SPATA17: variants seen among roughly 807,000 people sequenced by gnomAD.
SPATA17 encodes spermatogenesis associated 17.
SPATA17 carries 53 observed loss-of-function variants against 62.2 expected under a neutral mutation model. The observed-to-expected ratio is 0.85, with a 90% CI of 0.68 to 1.07. The LOEUF (loss-of-function observed/expected upper bound fraction) is 1.07, where lower values mean the gene tolerates loss of function less well. Among genes scored for constraint, SPATA17 ranks in the 50% least tolerant of loss-of-function variants. The probability of loss-of-function intolerance (pLI) is 0.00; values close to 1 mark genes in which losing one functional copy is unlikely to be tolerated. For synonymous variants in SPATA17, 146 were observed against 146.8 expected (o/e 0.99, Z 0.04); for missense variants, 466 against 425.5 (o/e 1.10, Z -0.84).
At position 217,634,571 on chromosome 1, in the gene SPATA17, A is replaced by G. The variant is rs572596352; in HGVS notation, c.68+3125A>G. Among the ~76,000 whole-genome samples the G allele has an allele frequency of 5.3e-5, 8 of 152,294 alleles. No individual in the cohort carries two copies. In the South Asian group the frequency reaches 1.7e-3, roughly 32 times the overall value. ...AATACTGATATTATCCCCAGGAGCC[A>G]TTTAGGGAGGGTCAGAATCTTATAG... On this transcript the variant is annotated intron_variant, in intron 1 of 10. Coordinates refer to ENST00000366933, the MANE Select transcript of SPATA17 (RefSeq NM_138796.4).
At chr1:217,862,503 G>T (rs531265242) in intron 9 of SPATA17, among the ~76,000 whole-genome samples, 1 of 152,152 alleles carries the variant, frequency 6.6e-6, no homozygotes, top group African/African-American at 2.4e-5. Flanking sequence ...GAAGACAGGT[G>T]GATATGCCTG....
At chr1:217,730,580 T>C (rs1232840543) in intron 5 of SPATA17, among the ~76,000 whole-genome samples, 1 of 152,094 alleles carries the variant, frequency 6.6e-6, no homozygotes, top group Non-Finnish European at 1.5e-5. Context: ...TTCAAATCCT[T>C]CTTTTTTGTA....
intron 6 of SPATA17, among the ~76,000 whole-genome samples, chr1:217,765,555 T>A (rs560560793): frequency 6.6e-6 from 1 of 152,064 alleles, no homozygotes; most frequent in East Asian, 1.9e-4. Flanking sequence ...AATCTTCAAG[T>A]ATTTGGGAGG....
intron 6 of SPATA17, among the ~76,000 whole-genome samples, chr1:217,752,091 T>A (rs181676547): frequency 5.4e-4 from 82 of 152,286 alleles, no homozygotes; most frequent in Non-Finnish European, 1.1e-3. Flanking sequence ...CAGGCTGGAG[T>A]GCAGTGGCGT....
chr1:217,641,115 G>A (rs1012142014), intron 1 of SPATA17, among the ~76,000 whole-genome samples: 24 of 152,150 alleles, frequency 1.6e-4, no homozygotes, highest in Admixed American at 6.6e-4. Flanking sequence ...ATAAGTGGCC[G>A]TGGAAGATTT....
At chr1:217,640,360 G>T (rs1670033311) in intron 1 of SPATA17, among the ~76,000 whole-genome samples, 1 of 152,004 alleles carries the variant, frequency 6.6e-6, no homozygotes, top group Non-Finnish European at 1.5e-5. Context: ...TACAAAAAAG[G>T]ATTTAGAAGT....
intron 9 of SPATA17, among the ~76,000 whole-genome samples, chr1:217,845,856 G>A (rs907202184): frequency 6.6e-6 from 1 of 152,032 alleles, no homozygotes; most frequent in Admixed American, 6.6e-5. Flanking sequence ...CCATAAACAT[G>A]TAGACATTAG....
At chr1:217,737,496 G>A (rs1240733739) in intron 5 of SPATA17, among the ~76,000 whole-genome samples, 1 of 152,100 alleles carries the variant, frequency 6.6e-6, no homozygotes, top group Non-Finnish European at 1.5e-5. Flanking sequence ...AAGTTGAATT[G>A]TACCAGGAGG....
intron 10 of SPATA17, among the ~76,000 whole-genome samples, chr1:217,864,944 T>C (rs1675977767): frequency 6.6e-6 from 1 of 152,184 alleles, no homozygotes; most frequent in Non-Finnish European, 1.5e-5. Context: ...GGCTCAAATA[T>C]GTTATGGTTT....
chr1:217,830,427 A>G (rs193145839), intron 9 of SPATA17, among the ~76,000 whole-genome samples: 1 of 152,240 alleles, frequency 6.6e-6, no homozygotes, highest in Non-Finnish European at 1.5e-5. Context: ...CCTGTACTGA[A>G]CATCTCCTCG....
chr1:217,649,311 T>G (rs1476368619), intron 2 of SPATA17, among the ~76,000 whole-genome samples: 4 of 151,960 alleles, frequency 2.6e-5, no homozygotes, highest in Non-Finnish European at 5.9e-5. Context: ...AAACCCAGTC[T>G]CTACTAAAAA....
At chr1:217,859,214 CATAATAT>C (rs1002920197) in intron 9 of SPATA17, among the ~76,000 whole-genome samples, 35 of 142,650 alleles carry the variant, frequency 2.5e-4, no homozygotes, top group Non-Finnish European at 4.6e-4. Context: ...TATTTATATA[CATAATAT>C]ATAATATATA....
intron 6 of SPATA17, among the ~76,000 whole-genome samples, chr1:217,752,271 TCCC>T (rs1672931930): frequency 6.6e-6 from 1 of 152,016 alleles, no homozygotes; most frequent in Admixed American, 6.6e-5. Flanking sequence ...CAAGTGATCC[TCCC>T]ACCTCAGCCT....
At chr1:217,777,494 C>G (rs1673622149) in intron 7 of SPATA17, among the ~76,000 whole-genome samples, 1 of 152,060 alleles carries the variant, frequency 6.6e-6, no homozygotes, top group African/African-American at 2.4e-5. Flanking sequence ...TTCTGCCTCC[C>G]TGGTTCAAGC....
chr1:217,648,013 A>G (rs1670228637), intron 1 of SPATA17, among the ~76,000 whole-genome samples: 1 of 151,662 alleles, frequency 6.6e-6, no homozygotes, highest in Non-Finnish European at 1.5e-5. Flanking sequence ...ATGAGTCACC[A>G]AGCGGGCCTT....
At chr1:217,775,400 T>C (rs1673561157) in intron 7 of SPATA17, among the ~76,000 whole-genome samples, 1 of 152,054 alleles carries the variant, frequency 6.6e-6, no homozygotes. Flanking sequence ...TCTGTTACAG[T>C]GTCTTGCTTT....
At chr1:217,836,771 T>G (rs2103004655) in intron 9 of SPATA17, among the ~76,000 whole-genome samples, 1 of 152,276 alleles carries the variant, frequency 6.6e-6, no homozygotes, top group Middle Eastern at 3.4e-3. Flanking sequence ...CTCTCAAGTA[T>G]TTTCACAAAG....
Position 217,801,975 on chromosome 1 carries a change from T to C in SPATA17, c.1005+125T>C, listed in dbSNP as rs988465564. 30 of 1,027,518 alleles carry C rather than the reference T, an allele frequency of 2.9e-5. No individual in the cohort carries two copies. In the African/African-American group the frequency reaches 4.8e-4, roughly 17 times the overall value. The allele number at this position is 1,027,518 out of a possible 1,614,324, so 63.7% of individuals were successfully genotyped here. ...TTATGGTAACAACATTTTTTATAGC[T>C]GTTTTAGGTAAAGATGGTGCTGCTG... On this transcript the variant is annotated intron_variant, in intron 9 of 10. Coordinates refer to ENST00000366933, the MANE Select transcript of SPATA17 (RefSeq NM_138796.4).
intron 9 of SPATA17, among the ~76,000 whole-genome samples, chr1:217,841,779 A>G (rs984006713): frequency 6.6e-6 from 1 of 151,196 alleles, no homozygotes; most frequent in African/African-American, 2.4e-5. Flanking sequence ...TTCAACCAAT[A>G]TATTTTGCCA....
Sources: allele counts gnomAD v4.1 joint callset (sites outside exome capture counted in the v4.1 genomes callset), GRCh38; gene constraint gnomAD v4.1.1; transcripts MANE v1.5; gene names NCBI Gene and HGNC (gene_info 2026-07-23, HGNC 2026-07-21).